The following GPD2 variants were observed in gnomAD, a reference collection of about 807,000 sequenced individuals.
GPD2 encodes the protein glycerol-3-phosphate dehydrogenase 2.
Under a neutral mutation model 82.4 loss-of-function variants are expected in GPD2, and 54 were observed. The observed-to-expected ratio is 0.66, with a 90% CI of 0.53 to 0.82. GPD2 has a LOEUF of 0.82. Ranked by LOEUF, GPD2 falls within the 40% of genes least tolerant of loss-of-function variation. The pLI is 0.00. For synonymous variants in GPD2, 288 were observed against 306.1 expected (o/e 0.94, Z 0.62); for missense variants, 748 against 896.2 (o/e 0.83, Z 2.11).
At chr2:156,555,303 T>C (rs1004948779) in intron 8 of GPD2, among the ~76,000 whole-genome samples, 11 of 152,220 alleles carry the variant, frequency 7.2e-5, no homozygotes, top group African/African-American at 2.2e-4. Flanking sequence ...AACCATCATG[T>C]TCACCTTTTA....
At chr2:156,492,526 T>C (rs560236703) in intron 2 of GPD2, among the ~76,000 whole-genome samples, 1 of 151,842 alleles carries the variant, frequency 6.6e-6, no homozygotes, top group South Asian at 2.1e-4. Context: ...TAAAGCTATA[T>C]TCAGTTGGAA....
chr2:156,483,806 A>G (rs947850761), intron 2 of GPD2, among the ~76,000 whole-genome samples: 2 of 152,196 alleles, frequency 1.3e-5, no homozygotes, highest in African/African-American at 4.8e-5. Context: ...TTGTTTGAAT[A>G]TAACAATTTG....
At chr2:156,422,021 G>C in the GPD2 span, among the ~76,000 whole-genome samples, 1 of 152,170 alleles carries the variant, frequency 6.6e-6, no homozygotes, top group Non-Finnish European at 1.5e-5. Context: ...CAGCTACTTG[G>C]GAGGCGGAGG....
At chr2:156,413,410 C>T in the GPD2 span, among the ~76,000 whole-genome samples, 11 of 150,156 alleles carry the variant, frequency 7.3e-5, no homozygotes, top group African/African-American at 2.7e-4. Context: ...GGCGAAATCC[C>T]GTCTCTACTA....
intron 3 of GPD2, among the ~76,000 whole-genome samples, chr2:156,497,014 G>C (rs976604209): frequency 1.3e-5 from 2 of 152,156 alleles, no homozygotes; most frequent in Non-Finnish European, 2.9e-5. Flanking sequence ...TGTAATGAAA[G>C]AAATTTTAGT....
chr2:156,581,538 C>T (rs1688024399), intron 16 of GPD2, among the ~76,000 whole-genome samples: 1 of 152,028 alleles, frequency 6.6e-6, no homozygotes, highest in Non-Finnish European at 1.5e-5. Context: ...TACATCATTC[C>T]TCAGATGTAA....
intron 2 of GPD2, among the ~76,000 whole-genome samples, chr2:156,483,033 C>T (rs984574190): frequency 4.0e-5 from 6 of 151,400 alleles, no homozygotes; most frequent in African/African-American, 1.5e-4. Flanking sequence ...AGAGCTCTAA[C>T]GAAGTAGTGC....
At chr2:156,512,910 C>T (rs1685055209) in intron 5 of GPD2, among the ~76,000 whole-genome samples, 1 of 152,098 alleles carries the variant, frequency 6.6e-6, no homozygotes. Flanking sequence ...GGGCTGGAAA[C>T]AGATTTTTTA....
intron 1 of GPD2, among the ~76,000 whole-genome samples, chr2:156,467,652 T>C (rs1683194071): frequency 1.3e-5 from 2 of 152,222 alleles, no homozygotes; most frequent in African/African-American, 4.8e-5. Context: ...CTTCTTTCCA[T>C]AGGGATTGTC....
chr2:156,536,586 G>A (rs1686090519), intron 6 of GPD2, among the ~76,000 whole-genome samples: 1 of 152,172 alleles, frequency 6.6e-6, no homozygotes, highest in Non-Finnish European at 1.5e-5. Flanking sequence ...CCTTGACTAT[G>A]CCTGCTAAAA....
intron 1 of GPD2, among the ~76,000 whole-genome samples, chr2:156,443,580 T>G (rs1290716812): frequency 2.0e-5 from 3 of 152,184 alleles, no homozygotes; most frequent in Non-Finnish European, 4.4e-5. Context: ...TTTGGCAGTT[T>G]TAATCTTTTT....
chr2:156,551,426 A>G (rs1686755058), intron 8 of GPD2, among the ~76,000 whole-genome samples: 1 of 152,148 alleles, frequency 6.6e-6, no homozygotes, highest in Non-Finnish European at 1.5e-5. Flanking sequence ...GGTTCTGGCT[A>G]AAAAATAATT....
At chr2:156,401,389 A>AAGTT in the GPD2 span, among the ~76,000 whole-genome samples, 2 of 152,122 alleles carry the variant, frequency 1.3e-5, no homozygotes, top group South Asian at 4.1e-4. Context: ...TCATTATACT[A>AAGTT]CTTTAGAACT....
chr2:156,457,697 A>G (rs1044829912), intron 1 of GPD2, among the ~76,000 whole-genome samples: 1 of 152,218 alleles, frequency 6.6e-6, no homozygotes, highest in Non-Finnish European at 1.5e-5. Flanking sequence ...AGGCCAAAGC[A>G]GGGTTGTGGC....
chr2:156,507,978 A>G (rs1272075167), intron 3 of GPD2, among the ~76,000 whole-genome samples: 1 of 152,016 alleles, frequency 6.6e-6, no homozygotes, highest in Non-Finnish European at 1.5e-5. Context: ...TTCTTTCCTG[A>G]TGACTCCATC....
At chr2:156,562,586 C>A (rs956438113) in intron 9 of GPD2, among the ~76,000 whole-genome samples, 1 of 14,196 alleles carries the variant, frequency 7.0e-5, no homozygotes, top group South Asian at 1.7e-3. Context: ...AAAAAAAAAC[C>A]CCCAAAACAT....
At chr2:156,465,703 A>G (rs1683130208) in intron 1 of GPD2, among the ~76,000 whole-genome samples, 1 of 152,112 alleles carries the variant, frequency 6.6e-6, no homozygotes, top group African/African-American at 2.4e-5. Flanking sequence ...CTGTAACAGC[A>G]TGTAAAATGT....
intron 6 of GPD2, among the ~76,000 whole-genome samples, chr2:156,526,472 A>C (rs1409421614): frequency 6.6e-6 from 1 of 152,200 alleles, no homozygotes; most frequent in Non-Finnish European, 1.5e-5. Flanking sequence ...TCTGTCAATT[A>C]TAGTCTTTTA....
chr2:156,437,532 C>T (rs914122800), intron 1 of GPD2, among the ~76,000 whole-genome samples: 2 of 152,152 alleles, frequency 1.3e-5, no homozygotes, highest in Non-Finnish European at 2.9e-5. Flanking sequence ...TGAAACCCCC[C>T]TCTGTTTCTC....
Sources: allele counts gnomAD v4.1 joint callset (sites outside exome capture counted in the v4.1 genomes callset), GRCh38; gene constraint gnomAD v4.1.1; transcripts MANE v1.5; gene names NCBI Gene and HGNC (gene_info 2026-07-23, HGNC 2026-07-21).